PRG4: variants seen among roughly 807,000 people sequenced by gnomAD.
The protein encoded by PRG4 is articular superficial zone protein.
In PRG4, 61 loss-of-function variants were observed where a neutral mutation model predicts 91.2. The ratio of observed to expected loss-of-function variants is 0.67; its 90% CI spans 0.54 to 0.83. PRG4 has a LOEUF of 0.83. Among genes scored for constraint, PRG4 ranks in the 40% least tolerant of loss-of-function variants. The pLI, the probability that PRG4 is intolerant of heterozygous loss-of-function variation, is 0.00. For missense variants in PRG4, 1,564 were observed against 1,714.2 expected, an observed-to-expected ratio of 0.91 and a Z score of 1.55; for synonymous variants, 576 against 614.2, an observed-to-expected ratio of 0.94 and a Z score of 0.92.
At chr1:186,301,825 C>T in intron 4 of PRG4, 114 bp downstream of exon 4, 1 of 1,369,342 alleles carries the variant, frequency 7.3e-7, no homozygotes, top group Middle Eastern at 1.8e-4. Context: ...ATTTTACTAA[C>T]ATATAAGCTA....
At chr1:186,297,340 C>G (rs1365940100) in intron 2 of PRG4, among the ~76,000 whole-genome samples, 1 of 151,996 alleles carries the variant, frequency 6.6e-6, no homozygotes, top group East Asian at 1.9e-4. Context: ...TTTTTAAAAT[C>G]AAATAAATTA....
At chr1:186,298,225 A>G (rs1318074927) in intron 2 of PRG4, among the ~76,000 whole-genome samples, 1 of 152,056 alleles carries the variant, frequency 6.6e-6, no homozygotes, top group African/African-American at 2.4e-5. Context: ...TATACAAAAT[A>G]CAAAAAAATT....
intron 12 of PRG4, chr1:186,313,095 C>A: frequency 1.7e-6 from 1 of 582,046 alleles, no homozygotes; most frequent in South Asian, 2.0e-5. Flanking sequence ...TCTGCTCTAA[C>A]CTTCATGAGA....
chr1:186,304,131 T>C lies in PRG4; in HGVS notation c.343T>C (p.Ser115Pro). 4 of 1,614,128 alleles carry C rather than the reference T, an allele frequency of 2.5e-6. No individual in the cohort carries two copies. The highest frequency in any genetic ancestry group is 3.4e-6 in the Non-Finnish European group (4 of 1,180,000). ...AEVHNPTSPPSSKKAPPPSGA... is the reference protein window; with the variant it reads ...AEVHNPTSPPPSKKAPPPSGA... ...AGTGCATAATCCCACATCACCACCA[T>C]CTTCAAAGAAAGCACCTCCACCTTC... Residue 115 changes from serine (S) to proline (P), a missense_variant, in exon 5 of 13, where the codon TCT becomes CCT. Coordinates refer to ENST00000445192, the MANE Select transcript of PRG4 (RefSeq NM_005807.6).
At position 186,314,265 on chromosome 1, in the gene PRG4, C is replaced by A; in HGVS notation, c.*487C>A. On this transcript the variant is annotated 3_prime_UTR_variant, in exon 13 of 13. Transcript: ENST00000445192. ...TATTAAAATTTTACACTTTTACTAG[C>A]TAAAACATAATCACAAAGCTTTATC... The A allele has an allele frequency of 2.2e-6, 1 of 458,946 alleles. No individual in the cohort carries two copies. Among genetic ancestry groups the A allele is most frequent in the Non-Finnish European group, 3.8e-6 (1 of 261,960 alleles). The allele number at this position is 458,946 out of a possible 1,614,324, so 28.4% of individuals were successfully genotyped here.
intron 12 of PRG4, 52 bp downstream of exon 12, chr1:186,312,946 A>G (rs751490999): frequency 1.9e-6 from 3 of 1,561,542 alleles, no homozygotes. Flanking sequence ...TTGTGAAAAC[A>G]TGAAGATAAA....
At chr1:186,302,331 A>C (rs1547086) in intron 4 of PRG4, among the ~76,000 whole-genome samples, 95,405 of 151,402 alleles carry the variant, frequency 0.63, 30,116 homozygotes, top group Non-Finnish European at 0.65. Context: ...TTAAAATCAA[A>C]TTCTCTATTT....
chr1:186,302,556 G>A (rs546110323), intron 4 of PRG4, among the ~76,000 whole-genome samples: 18 of 152,280 alleles, frequency 1.2e-4, no homozygotes, highest in African/African-American at 3.6e-4. Flanking sequence ...ACAAGCCTGC[G>A]CTTCCTGCTT....
intron 5 of PRG4, 70 bp downstream of exon 5, chr1:186,304,327 A>C: frequency 6.7e-7 from 1 of 1,501,102 alleles, no homozygotes; most frequent in Non-Finnish European, 9.3e-7. Context: ...CTGCTTATCT[A>C]AGCCCATTCT....
chr1:186,313,705 C>T lies in PRG4; in HGVS notation c.4142C>T (p.Pro1381Leu). The T allele has an allele frequency of 6.2e-7, 1 of 1,606,512 alleles. No homozygotes were observed. The highest frequency in any genetic ancestry group is 1.1e-5 in the South Asian group (1 of 90,906). The change falls in exon 13 of 13, where the codon CCT (proline) becomes CTT (leucine). Residue 1381 changes from proline to leucine, a missense_variant. Coordinates refer to ENST00000445192, the MANE Select transcript of PRG4 (RefSeq NM_005807.6). ...SKDQYYNIDV[P>L]SRTARAITTR... Reference sequence around the variant, plus strand: ...GATCAATACTATAACATTGATGTGCCTAGTAGAACAGCAAGAGCAATTACT... The same window carrying T: ...GATCAATACTATAACATTGATGTGCTTAGTAGAACAGCAAGAGCAATTACT...
chr1:186,305,863 T>C (rs1656521603), intron 6 of PRG4, among the ~76,000 whole-genome samples: 1 of 151,926 alleles, frequency 6.6e-6, no homozygotes, highest in African/African-American at 2.4e-5. Flanking sequence ...GCAGGGACTG[T>C]GGGGGTGACT....
intron 4 of PRG4, among the ~76,000 whole-genome samples, chr1:186,302,925 G>A (rs1571555757): frequency 6.6e-6 from 1 of 151,922 alleles, no homozygotes; most frequent in East Asian, 1.9e-4. Context: ...TAAAGTTTAG[G>A]TAGAACTCTG....
In PRG4 at chr1:186,311,066, C is replaced by T; in HGVS notation, c.3532C>T (p.Pro1178Ser). 1 of 1,613,876 alleles carries T rather than the reference C, an allele frequency of 6.2e-7. No homozygotes were observed. The highest frequency in any genetic ancestry group is 1.3e-5 in the African/African-American group (1 of 75,008). Reference protein sequence around the residue: ...HYFWMLSPFSPPSPARRITEV... With the variant: ...HYFWMLSPFSSPSPARRITEV... The stretch of plus-strand genomic sequence containing the variant: ...TTTCTGGATGCTAAGTCCATTCAGT[C>T]CACCATCTCCAGCTCGCAGAATTAC... The change falls in exon 9 of 13, where the codon CCA becomes TCA. Residue 1178 changes from proline (P) to serine (S), a missense_variant. Coordinates refer to ENST00000445192, the MANE Select transcript of PRG4 (RefSeq NM_005807.6).
At chr1:186,300,542 A>C (rs368498519) in intron 3 of PRG4, among the ~76,000 whole-genome samples, 2 of 152,230 alleles carry the variant, frequency 1.3e-5, no homozygotes, top group African/African-American at 4.8e-5. Context: ...GTCAGGAGTC[A>C]TTAAGTAAAT....
At chr1:186,305,380 CAA>C (rs1656489570) in intron 6 of PRG4, among the ~76,000 whole-genome samples, 1 of 152,142 alleles carries the variant, frequency 6.6e-6, no homozygotes, top group Non-Finnish European at 1.5e-5. Context: ...CCATATTTTA[CAA>C]ATCCTCTTTA....
intron 2 of PRG4, 119 bp downstream of exon 2, chr1:186,297,070 G>A (rs1364612099): frequency 1.2e-6 from 1 of 857,834 alleles, no homozygotes; most frequent in Non-Finnish European, 1.9e-6. Context: ...TTAATATACT[G>A]TACAACCTTA....
intron 2 of PRG4, among the ~76,000 whole-genome samples, chr1:186,297,399 T>A: frequency 6.6e-6 from 1 of 152,216 alleles, no homozygotes; most frequent in Non-Finnish European, 1.5e-5. Context: ...TACCATATTA[T>A]AATAAACTAT....
Position 186,314,032 on chromosome 1 carries a change from A to G in PRG4, c.*254A>G. On this transcript the variant is annotated 3_prime_UTR_variant, in exon 13 of 13. Transcript: ENST00000445192. ...TCCCATTGCATGGCTCACACCTGTA[A>G]AAGAAAAAAGAATCAAATTGAATAT... The G allele has an allele frequency of 6.2e-7, 1 of 1,608,364 alleles. No individual in the cohort carries two copies. The highest frequency in any genetic ancestry group is 1.1e-5 in the South Asian group (1 of 90,546).
rs763784257 is a variant in PRG4, at chr1:186,309,883, C to T, written c.3499+13C>T. 2.5e-6 allele frequency: 4 copies of T among 1,605,270 alleles called. No individual in the cohort carries two copies. The highest frequency in any genetic ancestry group is 1.3e-5 in the African/African-American group (1 of 74,684). On this transcript the variant is annotated intron_variant, in intron 8 of 12. Coordinates refer to ENST00000445192, the MANE Select transcript of PRG4 (RefSeq NM_005807.6). ...GTTGCATTCCGAGGTGAGCTATGTA[C>T]ACATTTATTTTTCTTCTCATCATTC...
Sources: gnomAD v4.1 joint callset for allele counts (sites outside exome capture counted in the v4.1 genomes callset) on GRCh38, gnomAD v4.1.1 for gene constraint, MANE v1.5 for transcripts, NCBI Gene and HGNC (gene_info 2026-07-23, HGNC 2026-07-21) for gene names.